SSBP3: variants seen among roughly 807,000 people sequenced by gnomAD.
SSBP3 encodes single stranded DNA binding protein 3.
Under a neutral mutation model 69.6 loss-of-function variants are expected in SSBP3, and 5 were observed. The ratio of observed to expected loss-of-function variants is 0.07; its 90% CI spans 0.04 to 0.15. The LOEUF (loss-of-function observed/expected upper bound fraction) is 0.15. Among genes scored for constraint, SSBP3 ranks in the 10% least tolerant of loss-of-function variants. The pLI is 1.00. For synonymous variants in SSBP3, 196 were observed against 193.4 expected, an observed-to-expected ratio of 1.01 and a Z score of -0.11; for missense variants, 312 against 534.0, an observed-to-expected ratio of 0.58 and a Z score of 4.10.
rs959806750 is a variant in SSBP3 at position 54,376,731 on chromosome 1, C to A, written c.276+25130G>T. Among the ~76,000 whole-genome samples, 7 of 152,172 alleles carry A rather than the reference C, an allele frequency of 4.6e-5. No individual in the cohort carries two copies. The East Asian group carries it at 1.3e-3, about 29-fold the overall frequency. On this transcript the variant is annotated intron_variant, in intron 4 of 17. Coordinates refer to ENST00000610401, the Ensembl canonical transcript of SSBP3. ...GGAATCCCAGCTCCTCCACCACCAG[C>A]GCATCAAAGGTAGATATTCAAAGCA...
chr1:54,344,837 C>T (rs1381935387), intron 4 of SSBP3, among the ~76,000 whole-genome samples: 6 of 152,214 alleles, frequency 3.9e-5, no homozygotes, highest in African/African-American at 1.4e-4. Context: ...TACAGCAAGA[C>T]ATTGTCTCAA....
At chr1:54,241,487 G>T in exon 12 of SSBP3, 1 of 1,614,144 alleles carries the variant, frequency 6.2e-7, no homozygotes, top group Non-Finnish European at 8.5e-7. Flanking sequence ...ATAGGTACCA[G>T]GTGATGAGGA....
chr1:54,389,915 A>T (rs72665961), intron 4 of SSBP3, among the ~76,000 whole-genome samples: 3,694 of 151,930 alleles, frequency 0.024, 85 homozygotes, highest in South Asian at 0.054. Flanking sequence ...TTAAGAAGAC[A>T]AACCTATTAA....
At chr1:54,236,139 G>A (rs1404481050) in intron 14 of SSBP3, among the ~76,000 whole-genome samples, 2 of 151,596 alleles carry the variant, frequency 1.3e-5, no homozygotes, top group African/African-American at 2.4e-5. Flanking sequence ...TCTTTGAAAC[G>A]GAGTCTCATT....
rs567434667 is a variant in SSBP3, at chr1:54,274,526, C to T, written c.366+6912G>A. Among the ~76,000 whole-genome samples, 81 of 152,286 alleles carry T rather than the reference C, an allele frequency of 5.3e-4. 1 individual carries two copies. Among genetic ancestry groups the T allele is most frequent in the African/African-American group, 1.8e-3 (74 of 41,554 alleles). On this transcript the variant is annotated intron_variant, in intron 5 of 17. Transcript: ENST00000610401. ...GCAGGCACCAGCCTTGGCTTCTCAC[C>T]GTCACACCTGCCTCCTGCCCCCAAC...
chr1:54,338,596 T>C (rs538662967), intron 4 of SSBP3, among the ~76,000 whole-genome samples: 2 of 152,320 alleles, frequency 1.3e-5, no homozygotes, highest in Admixed American at 6.5e-5. Flanking sequence ...TACGGCAATA[T>C]ATATACTAAA....
chr1:54,327,272 A>AAG (rs1465818972), intron 4 of SSBP3, among the ~76,000 whole-genome samples: 3 of 114,474 alleles, frequency 2.6e-5, no homozygotes, highest in Non-Finnish European at 5.6e-5. Context: ...AAGGAAGGAA[A>AAG]ACAACAACAA....
intron 9 of SSBP3, among the ~76,000 whole-genome samples, chr1:54,247,543 G>A (rs1644755089): frequency 6.6e-6 from 1 of 152,170 alleles, no homozygotes; most frequent in African/African-American, 2.4e-5. Flanking sequence ...GCTTGGACTG[G>A]CCCTGGATCA....
chr1:54,256,125 T>C (rs147378170), intron 7 of SSBP3, among the ~76,000 whole-genome samples: 5,616 of 151,472 alleles, frequency 0.037, 211 homozygotes, highest in African/African-American at 0.1. Context: ...CATCTCTCCA[T>C]AGTCCCTGCA....
chr1:54,314,456 T>C (rs1646060468), intron 4 of SSBP3, among the ~76,000 whole-genome samples: 1 of 152,214 alleles, frequency 6.6e-6, no homozygotes, highest in African/African-American at 2.4e-5. Flanking sequence ...TGGCCTGCAG[T>C]TGTGCCTACA....
At position 54,242,155 on chromosome 1, in the gene SSBP3, G is replaced by A. The variant is rs545180173; in HGVS notation, c.765+9C>T. On this transcript the variant is annotated intron_variant, in intron 11 of 17. Transcript: ENST00000610401. Reference sequence around the variant, plus strand: ...GACAAACACCACCCCACCCGACCCAGGTACTCACTGAGTTAGCACTGTTAG... The same window carrying A: ...GACAAACACCACCCCACCCGACCCAAGTACTCACTGAGTTAGCACTGTTAG... The A allele has an allele frequency of 1.2e-5, 20 of 1,612,890 alleles. No individual in the cohort carries two copies. The highest frequency in any genetic ancestry group is 8.9e-5 in the East Asian group (4 of 44,866).
intron 9 of SSBP3, 61 bp from the exon 10 acceptor site, chr1:54,243,360 G>C: frequency 6.3e-7 from 1 of 1,587,404 alleles, no homozygotes. Context: ...GGAGGAGGGA[G>C]GAGAAACAAA....
chr1:54,227,190 G>C, intron 17 of SSBP3, 30 bp from the exon 18 acceptor site: 2 of 1,158,724 alleles, frequency 1.7e-6, no homozygotes, highest in Non-Finnish European at 2.5e-6. Context: ...AAGGGGGGGG[G>C]GTGAGGATTG....
At chr1:54,234,489 G>A (rs1644452067) in intron 14 of SSBP3, among the ~76,000 whole-genome samples, 1 of 152,160 alleles carries the variant, frequency 6.6e-6, no homozygotes, top group African/African-American at 2.4e-5. Flanking sequence ...TCAGGAAGCT[G>A]TGGTGGGAGG....
chr1:54,261,092 G>A (rs1347015317), intron 5 of SSBP3, among the ~76,000 whole-genome samples: 1 of 152,182 alleles, frequency 6.6e-6, no homozygotes, highest in African/African-American at 2.4e-5. Flanking sequence ...CACTCAGCCC[G>A]GAGCTCCGTC....
intron 4 of SSBP3, among the ~76,000 whole-genome samples, chr1:54,369,395 G>A (rs993480966): frequency 6.6e-6 from 1 of 152,178 alleles, no homozygotes; most frequent in Non-Finnish European, 1.5e-5. Context: ...GAGAGGGACT[G>A]TGCAGCTAGG....
intron 4 of SSBP3, among the ~76,000 whole-genome samples, chr1:54,390,210 G>C (rs74073609): frequency 0.017 from 2,545 of 152,234 alleles, 66 homozygotes; most frequent in African/African-American, 0.057. Flanking sequence ...TGCTCAATAA[G>C]CACTGGTTTG....
chr1:54,388,648 C>T (rs771650570), intron 4 of SSBP3, among the ~76,000 whole-genome samples: 4 of 152,168 alleles, frequency 2.6e-5, no homozygotes, highest in African/African-American at 7.2e-5. Context: ...AGCTCAGAAC[C>T]GCAGGGAATA....
intron 4 of SSBP3, among the ~76,000 whole-genome samples, chr1:54,289,479 G>A (rs1306194629): frequency 6.6e-6 from 1 of 152,188 alleles, no homozygotes; most frequent in African/African-American, 2.4e-5. Flanking sequence ...CACCCAGACT[G>A]CGCTGTGCTC....
Sources: allele counts gnomAD v4.1 joint callset (sites outside exome capture counted in the v4.1 genomes callset), GRCh38; gene constraint gnomAD v4.1.1; transcripts MANE v1.5; gene names NCBI Gene and HGNC (gene_info 2026-07-23, HGNC 2026-07-21).